ZNF676: variants seen among roughly 807,000 people sequenced by gnomAD.
ZNF676 encodes zinc finger protein 676.
A neutral mutation model predicts 6.0 loss-of-function variants in ZNF676; 4 were observed. The ratio of observed to expected loss-of-function variants is 0.67; its 90% confidence interval spans 0.33 to 1.53. The LOEUF is 1.53. Ranked by LOEUF, ZNF676 falls within the 40% of genes most tolerant of loss-of-function variation. The pLI is 0.06. For synonymous variants in ZNF676, 198 were observed against 223.1 expected, an observed-to-expected ratio of 0.89 and a Z score of 1.00; for missense variants, 644 against 679.7, an observed-to-expected ratio of 0.95 and a Z score of 0.58.
the ZNF676 span, among the ~76,000 whole-genome samples, chr19:22,246,909 T>C: frequency 6.6e-6 from 1 of 152,264 alleles, no homozygotes; most frequent in Non-Finnish European, 1.5e-5. Flanking sequence ...GCTCTGCCTA[T>C]GGAGCAGCTT....
At chr19:22,232,624 C>A in the ZNF676 span, among the ~76,000 whole-genome samples, 2 of 152,024 alleles carry the variant, frequency 1.3e-5, no homozygotes, top group Non-Finnish European at 2.9e-5. Context: ...ACAGCCTTCC[C>A]AACAGCTCAT....
At chr19:22,220,621 T>A (rs2024239005), upstream of ZNF676, among the ~76,000 whole-genome samples, 1 of 152,100 alleles carries the variant, frequency 6.6e-6, no homozygotes, top group Non-Finnish European at 1.5e-5. Flanking sequence ...CATACCTGGC[T>A]AATTTTTGTA....
intron 1 of ZNF676, among the ~76,000 whole-genome samples, chr19:22,208,709 T>C (rs1054321008): frequency 5.3e-5 from 8 of 151,862 alleles, no homozygotes; most frequent in African/African-American, 1.9e-4. Flanking sequence ...CTTTGGGGGC[T>C]GAGCCAGGTG....
At chr19:22,218,535 G>A (rs1006892029), upstream of ZNF676, among the ~76,000 whole-genome samples, 10 of 149,080 alleles carry the variant, frequency 6.7e-5, no homozygotes, top group African/African-American at 2.0e-4. Flanking sequence ...TAGTAGAGAC[G>A]GGGTTTCACC....
chr19:22,200,837 C>T (rs567610397), upstream of ZNF676, among the ~76,000 whole-genome samples: 28 of 152,220 alleles, frequency 1.8e-4, no homozygotes, highest in African/African-American at 6.7e-4. Context: ...GTATGAGACA[C>T]TGCACCCAGC....
In ZNF676 at chr19:22,215,532, G is replaced by T. The variant is rs914196105; in HGVS notation, c.3+100C>A. The stretch of plus-strand genomic sequence containing the variant: ...TCGAGCTAGGCAAGGAGAACTTGTG[G>T]AGCTGACTGCGGGTAGGCTTGAGTC... On this transcript the variant is annotated intron_variant, in intron 1 of 3. Transcript: ENST00000650058. 6 of 1,397,028 alleles carry T rather than the reference G, an allele frequency of 4.3e-6. No individual in the cohort carries two copies. In the African/African-American group the frequency reaches 8.6e-5, roughly 20 times the overall value. The allele number at this position is 1,397,028 out of a possible 1,614,324, so 86.5% of individuals were successfully genotyped here.
upstream of ZNF676, among the ~76,000 whole-genome samples, chr19:22,218,294 G>T (rs1412949557): frequency 6.6e-6 from 1 of 151,882 alleles, no homozygotes; most frequent in Non-Finnish European, 1.5e-5. Flanking sequence ...GATCCATCTT[G>T]AGTTGATTTT....
chr19:22,190,608 AGAC>A (rs2023888337), intron 2 of ZNF676, among the ~76,000 whole-genome samples: 2 of 93,528 alleles, frequency 2.1e-5, no homozygotes, highest in Non-Finnish European at 5.0e-5. Flanking sequence ...ATGAAAAATT[AGAC>A]TAATAAAATA....
the ZNF676 span, among the ~76,000 whole-genome samples, chr19:22,240,580 G>A: frequency 6.6e-6 from 1 of 151,950 alleles, no homozygotes; most frequent in African/African-American, 2.4e-5. Flanking sequence ...GATCACCTGA[G>A]ATCAGGAGTT....
At chr19:22,206,056 AACAC>A (rs71180523) in intron 1 of ZNF676, among the ~76,000 whole-genome samples, 502 of 146,614 alleles carry the variant, frequency 3.4e-3, no homozygotes, top group African/African-American at 8.5e-3. Flanking sequence ...CCCAAAACTC[AACAC>A]ACACACACAC....
chr19:22,216,656 A>T (rs1417618228), upstream of ZNF676, among the ~76,000 whole-genome samples: 2 of 150,450 alleles, frequency 1.3e-5, no homozygotes, highest in African/African-American at 2.4e-5. Flanking sequence ...GTTTTTTGAG[A>T]CGAGTCTTGC....
the ZNF676 span, among the ~76,000 whole-genome samples, chr19:22,256,644 C>T: frequency 0.45 from 67,747 of 151,758 alleles, 15,692 homozygotes; most frequent in African/African-American, 0.57. Flanking sequence ...CTCCTATCCC[C>T]TATGTGTTGA....
At chr19:22,209,155 C>A (rs186979002) in intron 1 of ZNF676, among the ~76,000 whole-genome samples, 10 of 152,030 alleles carry the variant, frequency 6.6e-5, no homozygotes, top group African/African-American at 1.9e-4. Context: ...ATCCCAGCTA[C>A]TTGGGAGGCT....
chr19:22,234,980 GAAA>G, the ZNF676 span, among the ~76,000 whole-genome samples: 3 of 81,470 alleles, frequency 3.7e-5, no homozygotes, highest in African/African-American at 5.3e-5. Context: ...AAGAAAGAAA[GAAA>G]GAAAGAAAGA....
rs778245031 is a variant in ZNF676, at chr19:22,181,582, T to C, written c.135A>G (p.Ile45Met). 7.1e-6 allele frequency: 11 copies of C among 1,547,096 alleles called. No individual in the cohort carries two copies. Among genetic ancestry groups the C allele is most frequent in the Non-Finnish European group, 9.5e-6 (11 of 1,152,262 alleles). Residue 45 changes from isoleucine (I) to methionine (M), a missense_variant, in exon 3 of 3, where the codon ATA becomes ATG. Transcript: ENST00000397121. The part of the protein sequence containing the change: ...RHEMVEEPPV[I>M]CSHFSQEFWP... ...AAAACTCTTGGGAAAAATGAGAACA[T>C]ATAACTGAAAAGAAATAAAAATAAC...
the ZNF676 span, among the ~76,000 whole-genome samples, chr19:22,225,526 A>G: frequency 6.6e-6 from 1 of 152,214 alleles, no homozygotes; most frequent in African/African-American, 2.4e-5. Flanking sequence ...AGGAACATTT[A>G]TAACATTTTA....
the ZNF676 span, among the ~76,000 whole-genome samples, chr19:22,256,326 T>C: frequency 6.6e-6 from 1 of 151,766 alleles, no homozygotes; most frequent in Non-Finnish European, 1.5e-5. Flanking sequence ...TATTCCCCGC[T>C]AGAAGGGACC....
chr19:22,194,881 CAG>C (rs2023951116), intron 1 of ZNF676, among the ~76,000 whole-genome samples: 1 of 152,094 alleles, frequency 6.6e-6, no homozygotes, highest in African/African-American at 2.4e-5. Flanking sequence ...ATCTCCCAGT[CAG>C]AGAAAGAATT....
intron 1 of ZNF676, among the ~76,000 whole-genome samples, chr19:22,215,319 C>T (rs1407395997): frequency 1.3e-5 from 2 of 152,160 alleles, no homozygotes; most frequent in Admixed American, 6.5e-5. Context: ...CATGAACCCA[C>T]ACCTCAAGTC....
Sources: allele counts gnomAD v4.1 joint callset (sites outside exome capture counted in the v4.1 genomes callset), GRCh38; gene constraint gnomAD v4.1.1; transcripts MANE v1.5; gene names NCBI Gene and HGNC (gene_info 2026-07-23, HGNC 2026-07-21).